TENM2: variants seen among roughly 807,000 people sequenced by gnomAD.
TENM2 encodes the protein teneurin transmembrane protein 2, also known as teneurin-2.
In TENM2, 52 loss-of-function variants were observed where a neutral mutation model predicts 245.2. The observed-to-expected ratio is 0.21, with a 90% CI of 0.17 to 0.27. The LOEUF (loss-of-function observed/expected upper bound fraction) is 0.27, where lower values mean the gene tolerates loss of function less well. Among genes scored for constraint, TENM2 ranks in the 10% least tolerant of loss-of-function variants. The pLI is 1.00. For synonymous variants in TENM2, 1,363 were observed against 1,438.9 expected, an observed-to-expected ratio of 0.95 and a Z score of 1.19; for missense variants, 3,046 against 3,666.8, an observed-to-expected ratio of 0.83 and a Z score of 4.37.
intron 18 of TENM2, 145 bp downstream of exon 20, chr5:168,203,977 CCTT>C (rs1328395548): frequency 5.9e-6 from 3 of 510,668 alleles, no homozygotes; most frequent in East Asian, 3.3e-5. Context: ...GATTTTCCTA[CCTT>C]CTTCTTTTAT....
intron 1 of TENM2, among the ~76,000 whole-genome samples, chr5:167,350,087 C>T (rs1758729255): frequency 6.6e-6 from 1 of 152,038 alleles, no homozygotes; most frequent in Non-Finnish European, 1.5e-5. Flanking sequence ...ACGTGATGCT[C>T]CAGCAAAAGG....
At chr5:167,848,571 C>G (rs1296242638) in intron 2 of TENM2, among the ~76,000 whole-genome samples, 1 of 152,138 alleles carries the variant, frequency 6.6e-6, no homozygotes, top group Non-Finnish European at 1.5e-5. Context: ...AGCATTAGAA[C>G]CAAGGAATAG....
chr5:168,015,699 C>G (rs1245578167), intron 5 of TENM2, among the ~76,000 whole-genome samples: 1 of 152,158 alleles, frequency 6.6e-6, no homozygotes, highest in Non-Finnish European at 1.5e-5. Flanking sequence ...TTTCCCATTC[C>G]TTCTCTGAGT....
intron 2 of TENM2, among the ~76,000 whole-genome samples, chr5:167,641,751 A>C: frequency 6.6e-6 from 1 of 152,148 alleles, no homozygotes; most frequent in East Asian, 1.9e-4. Context: ...CTCGTCAGTA[A>C]AAAGGGAATT....
At chr5:166,994,743 C>T in the TENM2 span, among the ~76,000 whole-genome samples, 1 of 152,134 alleles carries the variant, frequency 6.6e-6, no homozygotes. Flanking sequence ...GAGTGTAATT[C>T]ACAATTGACG....
chr5:167,293,845 C>T (rs1001940505), intron 1 of TENM2, among the ~76,000 whole-genome samples: 4 of 152,118 alleles, frequency 2.6e-5, no homozygotes, highest in Middle Eastern at 3.4e-3. Context: ...GCACTTCATA[C>T]GGATCCCAGG....
chr5:167,487,003 ATTGT>A lies in TENM2; in HGVS notation c.502+111536_502+111539del, dbSNP rs558208746. Among the ~76,000 whole-genome samples the A allele has an allele frequency of 2.5e-3, 379 of 152,338 alleles. 4 individuals are homozygous for A. Among genetic ancestry groups the A allele is most frequent in the Admixed American group, 0.014 (212 of 15,306 alleles). ...TATGTACATACATAAATATCAAGAG[ATTGT>A]TTGTTGTCCTATCTCAGTGGGGGAA... On this transcript the variant is annotated intron_variant, in intron 2 of 28. Transcript: ENST00000518659.
At chr5:168,185,744 T>G (rs1760329284) in intron 13 of TENM2, among the ~76,000 whole-genome samples, 1 of 151,754 alleles carries the variant, frequency 6.6e-6, no homozygotes, top group African/African-American at 2.4e-5. Flanking sequence ...TAAGTATTTT[T>G]GCCAAGATTC....
the TENM2 span, among the ~76,000 whole-genome samples, chr5:167,092,114 C>T: frequency 6.6e-6 from 1 of 151,852 alleles, no homozygotes; most frequent in Non-Finnish European, 1.5e-5. Context: ...ATTTGTCCTG[C>T]CCCCTGTTTT....
intron 4 of TENM2, among the ~76,000 whole-genome samples, chr5:167,991,713 T>G (rs1783680652): frequency 6.6e-6 from 1 of 152,196 alleles, no homozygotes; most frequent in Non-Finnish European, 1.5e-5. Context: ...TAGGCAAAGA[T>G]GATTCCAAAG....
chr5:167,016,282 A>C, the TENM2 span, among the ~76,000 whole-genome samples: 64 of 46,998 alleles, frequency 1.4e-3, 1 homozygote, highest in African/African-American at 2.9e-3. Flanking sequence ...ACAAACAAAC[A>C]AAAAAAAAAA....
chr5:167,239,636 C>T, the TENM2 span, among the ~76,000 whole-genome samples: 1 of 152,146 alleles, frequency 6.6e-6, no homozygotes, highest in East Asian at 1.9e-4. Context: ...AATTTGAAAG[C>T]AGATGTGTTT....
intron 2 of TENM2, among the ~76,000 whole-genome samples, chr5:167,782,095 C>T (rs1764225124): frequency 6.6e-6 from 1 of 152,040 alleles, no homozygotes; most frequent in African/African-American, 2.4e-5. Context: ...GGGTGAATCA[C>T]CTGAGGTTGG....
chr5:168,073,620 T>G (rs1791214794), intron 7 of TENM2, among the ~76,000 whole-genome samples: 1 of 152,232 alleles, frequency 6.6e-6, no homozygotes, highest in Non-Finnish European at 1.5e-5. Context: ...TATTTGCAGC[T>G]GTGTACACAA....
intron 13 of TENM2, among the ~76,000 whole-genome samples, chr5:168,172,056 C>T (rs972675648): frequency 2.6e-5 from 4 of 152,208 alleles, no homozygotes; most frequent in Non-Finnish European, 5.9e-5. Flanking sequence ...CGGGGCAACT[C>T]GCTCACCCAG....
chr5:167,397,366 A>C (rs1472256645), intron 2 of TENM2, among the ~76,000 whole-genome samples: 3 of 152,166 alleles, frequency 2.0e-5, no homozygotes, highest in Admixed American at 1.3e-4. Flanking sequence ...CATTTAATTC[A>C]ACAAAGTTTT....
At chr5:167,833,334 C>T (rs939227196) in intron 2 of TENM2, among the ~76,000 whole-genome samples, 3 of 152,166 alleles carry the variant, frequency 2.0e-5, no homozygotes. Flanking sequence ...AAACAAATTT[C>T]AGACAAACAA....
intron 2 of TENM2, among the ~76,000 whole-genome samples, chr5:167,475,710 C>T (rs753889903): frequency 2.0e-5 from 3 of 152,038 alleles, no homozygotes; most frequent in African/African-American, 7.2e-5. Flanking sequence ...CATATGTTCT[C>T]ATTGTTCAGC....
At chr5:167,709,082 C>T (rs1437849544) in intron 2 of TENM2, among the ~76,000 whole-genome samples, 2 of 152,044 alleles carry the variant, frequency 1.3e-5, no homozygotes, top group East Asian at 3.9e-4. Flanking sequence ...CAAGTATAGT[C>T]ACAGAAACTA....
Sources: gnomAD v4.1 joint callset for allele counts (sites outside exome capture counted in the v4.1 genomes callset) on GRCh38, gnomAD v4.1.1 for gene constraint, MANE v1.5 for transcripts, NCBI Gene and HGNC (gene_info 2026-07-23, HGNC 2026-07-21) for gene names.